ADAMTS7: variants seen among roughly 807,000 people sequenced by gnomAD.
ADAMTS7 encodes the protein ADAM metallopeptidase with thrombospondin type 1 motif 7.
ADAMTS7 carries 89 observed loss-of-function variants against 172.6 expected under a neutral mutation model. The ratio of observed to expected loss-of-function variants is 0.52; its 90% CI spans 0.43 to 0.61. The LOEUF (loss-of-function observed/expected upper bound fraction) is 0.61. Among genes scored for constraint, ADAMTS7 ranks in the 20% least tolerant of loss-of-function variants. ADAMTS7 has a pLI of 0.00. For synonymous variants in ADAMTS7, 885 were observed against 978.4 expected, an observed-to-expected ratio of 0.90 and a Z score of 1.78; for missense variants, 1,973 against 2,355.6, an observed-to-expected ratio of 0.84 and a Z score of 3.36.
rs370476096 is a variant in ADAMTS7 at position 78,763,992 on chromosome 15, C to T, written c.4527G>A (p.Lys1509=). The part of the protein sequence containing the change: ...RPFHCQPGPA[K]PPAHRPCGAQ... ...CCCCGCAGGGCCGGTGCGCAGGCGG[C>T]TTGGCAGGCCCGGGCTGACAATGGA... is the stretch of plus-strand genomic sequence containing the variant. Residue 1509 remains lysine, a synonymous_variant, in exon 21 of 24, where the codon AAG becomes AAA. Transcript: ENST00000388820. 1,468 of 1,544,640 alleles carry T rather than the reference C, an allele frequency of 9.5e-4. 10 individuals carry two copies. The African/African-American group carries it at 0.014, about 15-fold the overall frequency.
chr15:78,800,600 C>G (rs2055712122), intron 1 of ADAMTS7, 53 bp from the exon 2 acceptor site: 1 of 1,532,882 alleles, frequency 6.5e-7, no homozygotes, highest in African/African-American at 1.4e-5. Flanking sequence ...CGGGTCCTTG[C>G]TGGTGGCCGG....
At chr15:78,769,965 C>G (rs1008069890) in intron 16 of ADAMTS7, among the ~76,000 whole-genome samples, 3 of 152,236 alleles carry the variant, frequency 2.0e-5, no homozygotes, top group African/African-American at 7.2e-5. Context: ...AGTTCAAGAC[C>G]AGCCTGGCCA....
intron 8 of ADAMTS7, among the ~76,000 whole-genome samples, chr15:78,779,764 A>G (rs943690001): frequency 3.9e-5 from 6 of 152,074 alleles, no homozygotes; most frequent in African/African-American, 1.4e-4. Context: ...GAGGGGTCCA[A>G]TGCACCTCAT....
chr15:78,768,716 G>C (rs2055200297), intron 16 of ADAMTS7, among the ~76,000 whole-genome samples: 1 of 152,216 alleles, frequency 6.6e-6, no homozygotes. Context: ...GCCAGCTGCT[G>C]TTAGCATGCA....
chr15:78,777,165 G>T (rs910004456), intron 9 of ADAMTS7: 58 of 572,622 alleles, frequency 1.0e-4, no homozygotes, highest in South Asian at 7.9e-4. Flanking sequence ...CTCCACAGGG[G>T]TTCCTTTTCC....
In ADAMTS7 at chr15:78,777,653, G is replaced by A. The variant is rs2055370200; in HGVS notation, c.1323-65C>T. ...TGAGACCCATCGGAGAAGCCTTGGTGGGGCCGGGACAGGAGGAGAGGTGGG... is the reference window on the plus strand; with the variant it reads ...TGAGACCCATCGGAGAAGCCTTGGTAGGGCCGGGACAGGAGGAGAGGTGGG... On this transcript the variant is annotated intron_variant, in intron 8 of 23. Coordinates refer to ENST00000388820, the MANE Select transcript of ADAMTS7 (RefSeq NM_014272.5). 96 of 1,557,000 alleles carry A rather than the reference G, an allele frequency of 6.2e-5. 3 individuals carry two copies. The South Asian group carries it at 9.0e-4, about 15-fold the overall frequency.
At chr15:78,806,304 A>ATGT (rs1423092249) in intron 1 of ADAMTS7, among the ~76,000 whole-genome samples, 1 of 152,152 alleles carries the variant, frequency 6.6e-6, no homozygotes, top group Admixed American at 6.6e-5. Flanking sequence ...CCCTTAACAT[A>ATGT]TGTTAATTCA....
rs757410077 is a variant in ADAMTS7 at position 78,771,827 on chromosome 15, A to G, written c.2134T>C (p.Tyr712His). ...GTFEEAEGLG[Y>H]VDVGLIPAGA... ...GCTGGGATCAGCCCCACATCCACATACCCTGTCAGCCAAGGGTTGTGCATA... is the reference window on the plus strand; with the variant it reads ...GCTGGGATCAGCCCCACATCCACATGCCCTGTCAGCCAAGGGTTGTGCATA... The change falls in exon 15 of 24, where the codon TAT becomes CAT. Residue 712 changes from tyrosine (Y) to histidine (H), a missense_variant and splice_region_variant. Tyr to His is a moderately conservative substitution (Grantham distance 83, BLOSUM62 2). Transcript: ENST00000388820. This position sits in a 1 kb window ranked among gnomAD's most constrained non-coding sequence, Gnocchi z 4.9. 1.2e-6 allele frequency: 2 copies of G among 1,609,778 alleles called. No homozygotes were observed.
intron 8 of ADAMTS7, among the ~76,000 whole-genome samples, chr15:78,786,842 A>G (rs928761563): frequency 2.6e-5 from 4 of 152,198 alleles, no homozygotes; most frequent in African/African-American, 9.6e-5. Flanking sequence ...TGAACTGCAC[A>G]GGTCCACTTA....
intron 14 of ADAMTS7, 88 bp downstream of exon 14, chr15:78,772,995 C>G (rs916660462): frequency 3.4e-6 from 5 of 1,450,264 alleles, no homozygotes; most frequent in African/African-American, 1.4e-5. Flanking sequence ...GTGGGGGCCA[C>G]GAGGCCAAGG....
chr15:78,802,145 T>C (rs1460514468), intron 1 of ADAMTS7, among the ~76,000 whole-genome samples: 1 of 152,140 alleles, frequency 6.6e-6, no homozygotes, highest in South Asian at 2.1e-4. Flanking sequence ...CCCTTTATAT[T>C]CTTTGTTAAA....
rs2055191548 is a variant in ADAMTS7, at chr15:78,768,197, A to G, written c.2581T>C (p.Cys861Arg). 1 of 1,609,968 alleles carries G rather than the reference A, an allele frequency of 6.2e-7. No homozygotes were observed. The highest frequency in any genetic ancestry group is 8.5e-7 in the Non-Finnish European group (1 of 1,179,470). ...TCATCAGGCCGGCCCAGGGGGTCAC[A>G]GTGCTCCTCGTCCACGGGCCCTGCC... is the stretch of plus-strand genomic sequence containing the variant. ...RQAGPVDEEH[C>R]DPLGRPDDQQ... Residue 861 changes from cysteine to arginine, a missense_variant, in exon 17 of 24, where the codon TGT (cysteine) becomes CGT (arginine). Coordinates refer to ENST00000388820, the MANE Select transcript of ADAMTS7 (RefSeq NM_014272.5).
chr15:78,760,584 G>A lies in ADAMTS7; in HGVS notation c.4904-1006C>T, dbSNP rs565435064. Among the ~76,000 whole-genome samples, 8 of 152,208 alleles carry A rather than the reference G, an allele frequency of 5.3e-5. No homozygotes were observed. In the South Asian group the frequency reaches 1.0e-3, roughly 20 times the overall value. On this transcript the variant is annotated intron_variant, in intron 23 of 23. Transcript: ENST00000388820. ...CAAGCTGCTTCACCTCTTGGGCCTC[G>A]GTTCCCTCCTCTGTCAACCCCACCT... is the stretch of plus-strand genomic sequence containing the variant.
chr15:78,773,811 G>A (rs1334443662), intron 13 of ADAMTS7, among the ~76,000 whole-genome samples: 5 of 152,240 alleles, frequency 3.3e-5, no homozygotes, highest in Non-Finnish European at 1.5e-5. Context: ...CACTGCCTGT[G>A]GTCAGCCAGC....
chr15:78,779,082 G>A lies in ADAMTS7; in HGVS notation c.1323-1494C>T, dbSNP rs574744300. On this transcript the variant is annotated intron_variant, in intron 8 of 23. Transcript: ENST00000388820. ...ATCCCCCGACCAGTGACAGGCCCCCGGCCCTGCCCAGAGCTGCGGAGAAGA... is the reference window on the plus strand; with the variant it reads ...ATCCCCCGACCAGTGACAGGCCCCCAGCCCTGCCCAGAGCTGCGGAGAAGA... Among the ~76,000 whole-genome samples the A allele has an allele frequency of 7.0e-4, 107 of 152,116 alleles. 1 individual carries two copies. Among genetic ancestry groups the A allele is most frequent in the Non-Finnish European group, 1.4e-3 (94 of 68,018 alleles).
At position 78,800,307 on chromosome 15, in the gene ADAMTS7, C is replaced by T. The variant is rs1318278945; in HGVS notation, c.341G>A (p.Gly114Asp). ...PGFVSETRRR[G>D]GLGRAHIRAH... ...CCGGATGTGCGCGCGGCCCAGGCCG[C>T]CGCGCCGCCGCGTCTCGCTCACAAA... The change falls in exon 2 of 24, where the codon GGC becomes GAC. Residue 114 changes from glycine to aspartate, a missense_variant. Physicochemically the swap from Gly to Asp is moderately conservative, Grantham distance 94. Transcript: ENST00000388820. 6.3e-7 allele frequency: 1 copy of T among 1,588,970 alleles called. No individual in the cohort carries two copies.
At position 78,766,218 on chromosome 15, in the gene ADAMTS7, G is replaced by A. The variant is rs765493747; in HGVS notation, c.3693C>T (p.His1231=). 3 of 1,611,902 alleles carry A rather than the reference G, an allele frequency of 1.9e-6. No homozygotes were observed. The highest frequency in any genetic ancestry group is 2.5e-6 in the Non-Finnish European group (3 of 1,179,748). Residue 1231 remains histidine, a synonymous_variant, in exon 19 of 24, where the codon CAC becomes CAT. Transcript: ENST00000388820. ...DEEPKGRGAP[H]LPPRPSSTLP... The stretch of plus-strand genomic sequence containing the variant: ...GCGTGGAGCTGGGTCTCGGGGGCAG[G>A]TGGGGTGCTCCTCGGCCCTTGGGTT...
intron 4 of ADAMTS7, among the ~76,000 whole-genome samples, chr15:78,794,320 G>C (rs1438239778): frequency 2.0e-5 from 3 of 152,226 alleles, no homozygotes; most frequent in Admixed American, 6.5e-5. Context: ...AAGGTAGACA[G>C]ATATTCACAA....
chr15:78,775,816 T>C (rs967392331), intron 11 of ADAMTS7, among the ~76,000 whole-genome samples: 2 of 152,114 alleles, frequency 1.3e-5, no homozygotes, highest in Non-Finnish European at 1.5e-5. Context: ...GATGGGGAAA[T>C]GGAGGCCCAG....
Sources: gnomAD v4.1 joint callset for allele counts (sites outside exome capture counted in the v4.1 genomes callset) on GRCh38, gnomAD v4.1.1 for gene constraint, Gnocchi (gnomAD v3.1) non-coding constraint, MANE v1.5 for transcripts, NCBI Gene and HGNC (gene_info 2026-07-23, HGNC 2026-07-21) for gene names.